SUN5: variants seen among roughly 807,000 people sequenced by gnomAD.
SUN5 encodes the protein SUN domain-containing protein 5.
A neutral mutation model predicts 53.7 loss-of-function variants in SUN5; 44 were observed. That is an observed-to-expected ratio of 0.82 (90% CI 0.64 to 1.05). The LOEUF (loss-of-function observed/expected upper bound fraction) is 1.05, where lower values mean the gene tolerates loss of function less well. SUN5 is among the 50% of genes least tolerant of loss of function. The probability of loss-of-function intolerance (pLI) is 0.00; values close to 1 mark genes in which losing one functional copy is unlikely to be tolerated. For synonymous variants in SUN5, 166 were observed against 179.8 expected (o/e 0.92, Z 0.62); for missense variants, 433 against 483.8 (o/e 0.90, Z 0.98).
intron 12 of SUN5, among the ~76,000 whole-genome samples, chr20:32,984,425 AGGGGGT>A (rs1350521056): frequency 1.3e-5 from 2 of 152,118 alleles, no homozygotes; most frequent in Admixed American, 6.5e-5. Flanking sequence ...GCCAAGCAAG[AGGGGGT>A]GGAGCCTGTG....
chr20:32,993,865 G>A (rs1413658617), intron 8 of SUN5, among the ~76,000 whole-genome samples: 1 of 152,224 alleles, frequency 6.6e-6, no homozygotes, highest in African/African-American at 2.4e-5. Context: ...CACGTGGGCC[G>A]TGGGCCGTAC....
Sources: gnomAD v4.1 joint callset for allele counts (sites outside exome capture counted in the v4.1 genomes callset) on GRCh38, gnomAD v4.1.1 for gene constraint, MANE v1.5 for transcripts, NCBI Gene and HGNC (gene_info 2026-07-23, HGNC 2026-07-21) for gene names.